BICDL1: variants seen among roughly 807,000 people sequenced by gnomAD.
BICDL1 encodes the protein BICD family-like cargo adapter 1.
In BICDL1, 20 loss-of-function variants were observed where a neutral mutation model predicts 76.8. The ratio of observed to expected loss-of-function variants is 0.26; its 90% CI spans 0.18 to 0.38. The LOEUF (loss-of-function observed/expected upper bound fraction) is 0.38. Among genes scored for constraint, BICDL1 ranks in the 10% least tolerant of loss-of-function variants. BICDL1 has a pLI of 1.00. For synonymous variants in BICDL1, 383 were observed against 337.1 expected (o/e 1.14, Z -1.49); for missense variants, 700 against 798.6 (o/e 0.88, Z 1.49).
In BICDL1 at chr12:120,026,714, A is replaced by C. The variant is rs760111080; in HGVS notation, c.645+27978A>C. Among the ~76,000 whole-genome samples the C allele has an allele frequency of 4.2e-4, 64 of 152,228 alleles. 2 individuals carry two copies. The highest frequency in any genetic ancestry group is 1.3e-4 in the Admixed American group (2 of 15,280). On this transcript the variant is annotated intron_variant, in intron 2 of 9. Coordinates refer to ENST00000548673, the MANE Select transcript of BICDL1 (RefSeq NM_001367886.1). ...ATGCAACTTCCCAGCACTTGTTGGC[A>C]TGAATTGTGAGCAGGAGTTTTCTGC...
At chr12:120,052,150 G>A (rs368369239) in intron 2 of BICDL1, among the ~76,000 whole-genome samples, 1 of 151,824 alleles carries the variant, frequency 6.6e-6, no homozygotes, top group African/African-American at 2.4e-5. Flanking sequence ...CACTATGTTG[G>A]CCAGGCTGGT....
At chr12:119,999,657 G>A (rs2138615199) in intron 2 of BICDL1, 1 of 297,088 alleles carries the variant, frequency 3.4e-6, no homozygotes, top group South Asian at 3.0e-5. Flanking sequence ...AAGGAAGGAG[G>A]TTGAGGCTAA....
intron 2 of BICDL1, among the ~76,000 whole-genome samples, chr12:120,001,696 T>C (rs937292498): frequency 7.9e-5 from 12 of 152,234 alleles, no homozygotes; most frequent in African/African-American, 2.9e-4. Context: ...GCTCTTCTCT[T>C]TATTAATAAC....
chr12:120,086,389 G>A (rs946808000), intron 8 of BICDL1, among the ~76,000 whole-genome samples: 7 of 152,140 alleles, frequency 4.6e-5, no homozygotes, highest in Admixed American at 2.6e-4. Context: ...TTCCATATAC[G>A]TTATCTCTGA....
At chr12:119,996,729 A>G (rs1951655510) in intron 1 of BICDL1, among the ~76,000 whole-genome samples, 1 of 152,128 alleles carries the variant, frequency 6.6e-6, no homozygotes, top group East Asian at 1.9e-4. Context: ...ACTTCAGTCT[A>G]TTCCTAACTG....
chr12:120,088,706 A>G (rs139902757), intron 8 of BICDL1, among the ~76,000 whole-genome samples: 340 of 128,290 alleles, frequency 2.7e-3, no homozygotes, highest in African/African-American at 8.9e-3. Flanking sequence ...TTGTTCTGTC[A>G]CCCAGGCTGC....
At position 120,014,923 on chromosome 12, in the gene BICDL1, G is replaced by GA. The variant is rs113876968; in HGVS notation, c.645+16196dup. 3.2e-3 allele frequency among the ~76,000 whole-genome samples: 488 copies of GA among 150,300 alleles called. 4 individuals carry two copies. The highest frequency in any genetic ancestry group is 0.011 in the African/African-American group (436 of 41,004). On this transcript the variant is annotated intron_variant, in intron 2 of 9. Coordinates refer to ENST00000548673, the MANE Select transcript of BICDL1 (RefSeq NM_001367886.1). ...ATTTACCAAATAGAATCCTTTGTTT[G>GA]AAAAAAAAATGAGTGAAAACATGTC...
chr12:120,042,729 C>T (rs1952668015), intron 2 of BICDL1, among the ~76,000 whole-genome samples: 1 of 150,664 alleles, frequency 6.6e-6, no homozygotes, highest in Non-Finnish European at 1.5e-5. Context: ...CATTTGAACC[C>T]GGGAGGCGAA....
At chr12:120,025,427 G>A (rs543718506) in intron 2 of BICDL1, among the ~76,000 whole-genome samples, 39 of 152,256 alleles carry the variant, frequency 2.6e-4, no homozygotes, top group Admixed American at 2.0e-3. Flanking sequence ...TGTAGACCAC[G>A]GGTCACAGTT....
At chr12:120,002,390 A>C (rs560663860) in intron 2 of BICDL1, among the ~76,000 whole-genome samples, 2 of 152,190 alleles carry the variant, frequency 1.3e-5, no homozygotes, top group South Asian at 4.1e-4. Flanking sequence ...CTTGGATGTT[A>C]ATCAGTGCTG....
chr12:119,997,005 G>A (rs1254653761), intron 1 of BICDL1, among the ~76,000 whole-genome samples: 1 of 150,660 alleles, frequency 6.6e-6, no homozygotes, highest in African/African-American at 2.5e-5. Context: ...CTAGAGTGCA[G>A]TGGCGCGATC....
At chr12:120,019,416 T>G (rs186419348) in intron 2 of BICDL1, among the ~76,000 whole-genome samples, 1 of 152,338 alleles carries the variant, frequency 6.6e-6, no homozygotes, top group Non-Finnish European at 1.5e-5. Flanking sequence ...AAGTTAGAGA[T>G]TGTATTTTAG....
intron 2 of BICDL1, among the ~76,000 whole-genome samples, chr12:120,058,007 G>A (rs1335238409): frequency 6.6e-6 from 1 of 150,996 alleles, no homozygotes; most frequent in Non-Finnish European, 1.5e-5. Flanking sequence ...ATTTTTTTTT[G>A]TATTTTTAGA....
Position 120,020,598 on chromosome 12 carries a change from T to C in BICDL1, c.645+21862T>C, listed in dbSNP as rs759229177. Among the ~76,000 whole-genome samples the C allele has an allele frequency of 7.0e-4, 107 of 152,280 alleles. 1 individual carries two copies. The highest frequency in any genetic ancestry group is 1.5e-3 in the Admixed American group (23 of 15,294). On this transcript the variant is annotated intron_variant, in intron 2 of 9. Transcript: ENST00000548673. ...TTTACATAAGAATGCCTGCTCATGT[T>C]TATAGAAGTAATGTTATAATTGGGG... is the stretch of plus-strand genomic sequence containing the variant.
At chr12:120,041,686 G>A (rs1318688847) in intron 2 of BICDL1, among the ~76,000 whole-genome samples, 1 of 152,148 alleles carries the variant, frequency 6.6e-6, no homozygotes, top group East Asian at 1.9e-4. Flanking sequence ...TTTGAGAAGA[G>A]ACCCGAGTGG....
intron 2 of BICDL1, among the ~76,000 whole-genome samples, chr12:120,053,229 C>T (rs185180619): frequency 6.6e-6 from 1 of 152,294 alleles, no homozygotes; most frequent in East Asian, 1.9e-4. Flanking sequence ...GGATTACAGG[C>T]ATGTGCCACC....
chr12:120,093,365 C>T lies in BICDL1; in HGVS notation c.*204C>T, dbSNP rs1875150941. The T allele has an allele frequency of 1.6e-6, 1 of 626,192 alleles. No individual in the cohort carries two copies. The highest frequency in any genetic ancestry group is 1.9e-5 in the African/African-American group (1 of 53,652). 38.8% of individuals were successfully genotyped at this position (626,192 alleles called of 1,614,324 possible). ...GGCCTGCCTTGGCCACTGAAGGCTT[C>T]CCTTGGCCCACCGCCTGGCCAAGCC... On this transcript the variant is annotated 3_prime_UTR_variant, in exon 10 of 10. Transcript: ENST00000548673.
rs1951468916 is a variant in BICDL1 at position 119,989,621 on chromosome 12, C to A, written c.-248C>A. On this transcript the variant is annotated 5_prime_UTR_variant, in exon 1 of 10. Transcript: ENST00000548673. ...GTTCCCACCACCTACTCCGCCACTA[C>A]CCCCACCCCCTCCTCCCGCGCGCGC... Among the ~76,000 whole-genome samples, 1 of 149,822 alleles carries A rather than the reference C, an allele frequency of 6.7e-6. No homozygotes were observed.
chr12:119,990,654 G>C (rs958065603), intron 1 of BICDL1, among the ~76,000 whole-genome samples: 7 of 152,220 alleles, frequency 4.6e-5, no homozygotes, highest in African/African-American at 1.7e-4. Context: ...TATGTTGCAG[G>C]TTTTCAGAGC....
Sources: gnomAD v4.1 joint callset for allele counts (sites outside exome capture counted in the v4.1 genomes callset) on GRCh38, gnomAD v4.1.1 for gene constraint, MANE v1.5 for transcripts, NCBI Gene and HGNC (gene_info 2026-07-23, HGNC 2026-07-21) for gene names.